Variants in CPNE4 observed in about 807,000 individuals in gnomAD.
CPNE4 encodes copine-4.
CPNE4 carries 25 observed loss-of-function variants against 67.9 expected under a neutral mutation model. The observed-to-expected ratio is 0.37, with a 90% CI of 0.27 to 0.51. The LOEUF is 0.51. CPNE4 is among the 20% of genes least tolerant of loss of function. CPNE4 has a pLI of 0.93. For synonymous variants in CPNE4, 242 were observed against 244.9 expected (o/e 0.99, Z 0.11); for missense variants, 464 against 690.8 (o/e 0.67, Z 3.68).
intron 2 of CPNE4, among the ~76,000 whole-genome samples, chr3:131,830,661 T>C (rs1212814647): frequency 6.6e-6 from 1 of 152,180 alleles, no homozygotes; most frequent in Non-Finnish European, 1.5e-5. Context: ...CCAATCTTTC[T>C]TATTTCGAAT....
intron 1 of CPNE4, among the ~76,000 whole-genome samples, chr3:132,023,181 G>A (rs2074034353): frequency 6.6e-6 from 1 of 152,140 alleles, no homozygotes; most frequent in African/African-American, 2.4e-5. Flanking sequence ...TTATATAAAA[G>A]CCTCACGCAC....
At chr3:131,881,879 A>G (rs1393393785) in intron 2 of CPNE4, among the ~76,000 whole-genome samples, 2 of 152,170 alleles carry the variant, frequency 1.3e-5, no homozygotes, top group Non-Finnish European at 2.9e-5. Flanking sequence ...ATTTTCTAAC[A>G]TCCTTAACTC....
At chr3:131,746,291 T>C (rs962840276) in intron 2 of CPNE4, among the ~76,000 whole-genome samples, 16 of 152,040 alleles carry the variant, frequency 1.1e-4, no homozygotes, top group African/African-American at 3.6e-4. Context: ...TTAAAATCAC[T>C]CTCTCTTAGG....
At chr3:131,963,856 T>A (rs933848196) in intron 1 of CPNE4, among the ~76,000 whole-genome samples, 1 of 152,158 alleles carries the variant, frequency 6.6e-6, no homozygotes, top group Non-Finnish European at 1.5e-5. Flanking sequence ...GAGCAGAGAA[T>A]CTCACAGCAA....
chr3:131,908,287 A>G (rs1323709277), intron 1 of CPNE4, among the ~76,000 whole-genome samples: 1 of 152,164 alleles, frequency 6.6e-6, no homozygotes, highest in Non-Finnish European at 1.5e-5. Flanking sequence ...ACAAGTTGTG[A>G]GCAGATCAGT....
At chr3:131,968,019 A>G (rs1361942044) in intron 1 of CPNE4, among the ~76,000 whole-genome samples, 1 of 152,184 alleles carries the variant, frequency 6.6e-6, no homozygotes. Flanking sequence ...TATATAGACC[A>G]ACGGAACAGA....
chr3:131,801,460 A>G lies in CPNE4; in HGVS notation c.181-77835T>C, dbSNP rs1388172616. Among the ~76,000 whole-genome samples the G allele has an allele frequency of 3.2e-4, 34 of 104,832 alleles. No homozygotes were observed. In the East Asian group the frequency reaches 6.5e-3, roughly 20 times the overall value. The allele number at this position is 104,832 out of a possible 152,430, so 68.8% of individuals were successfully genotyped here. On this transcript the variant is annotated intron_variant, in intron 2 of 15. Coordinates refer to ENST00000429747, the MANE Select transcript of CPNE4 (RefSeq NM_130808.3). ...TGTGTGTGTGTGTGTGTGTATATAT[A>G]TATATATATATATATATAATATCAC... is the stretch of plus-strand genomic sequence containing the variant.
intron 1 of CPNE4, among the ~76,000 whole-genome samples, chr3:131,986,867 C>CAAA (rs112652096): frequency 3.0e-5 from 4 of 134,684 alleles, no homozygotes; most frequent in African/African-American, 1.1e-4. Flanking sequence ...AACAAACAAA[C>CAAA]AAAAAAAAAA....
intron 5 of CPNE4, among the ~76,000 whole-genome samples, chr3:131,690,226 G>T (rs2081003301): frequency 6.6e-6 from 1 of 152,118 alleles, no homozygotes; most frequent in Admixed American, 6.6e-5. Context: ...AGCCTGAATT[G>T]CCAAAGTAAT....
chr3:131,948,358 T>C (rs1040305418), intron 1 of CPNE4, among the ~76,000 whole-genome samples: 4 of 152,220 alleles, frequency 2.6e-5, no homozygotes, highest in Admixed American at 2.6e-4. Flanking sequence ...CCTGCCATCC[T>C]GTGAAGAAGG....
intron 1 of CPNE4, among the ~76,000 whole-genome samples, chr3:131,991,147 G>A (rs1355787816): frequency 7.4e-6 from 1 of 135,886 alleles, no homozygotes; most frequent in Non-Finnish European, 1.7e-5. Context: ...ACAGTAAATT[G>A]GTGCTGAAGG....
chr3:131,587,609 T>TA (rs767221554), intron 7 of CPNE4, 27 bp from the exon 8 acceptor site: 2 of 1,534,874 alleles, frequency 1.3e-6, no homozygotes, highest in East Asian at 2.3e-5. Flanking sequence ...TGATCTTTCT[T>TA]AAAAAATTAA....
chr3:131,547,494 AAAAAAAAC>A (rs1935934078), intron 14 of CPNE4, among the ~76,000 whole-genome samples: 7 of 103,736 alleles, frequency 6.7e-5, no homozygotes, highest in Non-Finnish European at 8.2e-5. Context: ...AAAAAAAAAA[AAAAAAAAC>A]CTAATAGTGT....
At chr3:131,793,657 T>C (rs1168605684) in intron 2 of CPNE4, among the ~76,000 whole-genome samples, 1 of 152,200 alleles carries the variant, frequency 6.6e-6, no homozygotes, top group African/African-American at 2.4e-5. Flanking sequence ...TGTACCTGCC[T>C]ATGGACTTTT....
intron 1 of CPNE4, among the ~76,000 whole-genome samples, chr3:132,005,764 G>A (rs1300876489): frequency 6.6e-6 from 1 of 151,742 alleles, no homozygotes. Context: ...CATATATGCA[G>A]GTTTTGCATC....
chr3:131,891,231 T>C (rs4854854), intron 2 of CPNE4, among the ~76,000 whole-genome samples: 53,722 of 151,876 alleles, frequency 0.35, 10,669 homozygotes, highest in African/African-American at 0.53. Flanking sequence ...CCAAATTGTA[T>C]ACATTAATTT....
At chr3:131,889,289 A>G (rs1326302295) in intron 2 of CPNE4, among the ~76,000 whole-genome samples, 1 of 152,216 alleles carries the variant, frequency 6.6e-6, no homozygotes, top group East Asian at 1.9e-4. Flanking sequence ...TTATAGCATC[A>G]GCCCCTTCAT....
At chr3:132,010,051 T>C (rs537486173) in intron 1 of CPNE4, among the ~76,000 whole-genome samples, 1 of 152,332 alleles carries the variant, frequency 6.6e-6, no homozygotes, top group Non-Finnish European at 1.5e-5. Flanking sequence ...ATTAGCCACA[T>C]TCAAGGTAGT....
chr3:131,888,369 A>G lies in CPNE4; in HGVS notation c.180+16895T>C, dbSNP rs1201732050. On this transcript the variant is annotated intron_variant, in intron 2 of 15. Transcript: ENST00000429747. ...TGTTCCTTTGATACACAGTTTCAAG[A>G]CCATAATCTTTCAACAGGAACTAGT... is the stretch of plus-strand genomic sequence containing the variant. Among the ~76,000 whole-genome samples the G allele has an allele frequency of 2.0e-5, 3 of 151,846 alleles. No individual in the cohort carries two copies. In the East Asian group the frequency reaches 5.8e-4, roughly 29 times the overall value.
Sources: gnomAD v4.1 joint callset for allele counts (sites outside exome capture counted in the v4.1 genomes callset) on GRCh38, gnomAD v4.1.1 for gene constraint, MANE v1.5 for transcripts, NCBI Gene and HGNC (gene_info 2026-07-23, HGNC 2026-07-21) for gene names.